DLEU7: variants seen among roughly 807,000 people sequenced by gnomAD.
DLEU7 encodes leukemia-associated protein 7.
A neutral mutation model predicts 16.0 loss-of-function variants in DLEU7; 17 were observed. The ratio of observed to expected loss-of-function variants is 1.06; its 90% CI spans 0.73 to 1.59. DLEU7 has a LOEUF of 1.59. Ranked by LOEUF, DLEU7 falls within the 40% of genes most tolerant of loss-of-function variation. The pLI, the probability that DLEU7 is intolerant of heterozygous loss-of-function variation, is 0.00. For synonymous variants in DLEU7, 113 were observed against 139.8 expected (o/e 0.81, Z 1.35); for missense variants, 308 against 314.9 (o/e 0.98, Z 0.17).
chr13:50,838,590 G>A (rs1877546461), intron 1 of DLEU7, among the ~76,000 whole-genome samples: 1 of 152,314 alleles, frequency 6.6e-6, no homozygotes, highest in East Asian at 1.9e-4. Context: ...TTACTAGTTT[G>A]ATAGTGATGT....
intron 1 of DLEU7, among the ~76,000 whole-genome samples, chr13:50,786,139 A>T (rs1054114812): frequency 6.6e-6 from 1 of 152,158 alleles, no homozygotes; most frequent in Non-Finnish European, 1.5e-5. Context: ...TGATGGGTTC[A>T]AGGTTCTAGA....
rs559024225 is a variant in DLEU7 at position 50,827,439 on chromosome 13, G to A, written c.460-3919C>T. Among the ~76,000 whole-genome samples, 14 of 152,260 alleles carry A rather than the reference G, an allele frequency of 9.2e-5. No homozygotes were observed. The South Asian group carries it at 2.7e-3, about 29-fold the overall frequency. ...CATGCCTGTAATCCCAACACTTTGG[G>A]AGGCTAAGGCAAGCAGATTGCTTGA... On this transcript the variant is annotated intron_variant, in intron 1 of 1. Transcript: ENST00000504404.
At chr13:50,711,772 C>CCGGGGGAGGGGG, downstream of DLEU7, 2 of 72,926 alleles carry the variant, frequency 2.7e-5, no homozygotes, top group African/African-American at 7.8e-5. Context: ...GACCCAGTGG[C>CCGGGGGAGGGGG]GGGGGCGGGG....
At chr13:50,832,627 A>C (rs548865731) in intron 1 of DLEU7, among the ~76,000 whole-genome samples, 51 of 152,308 alleles carry the variant, frequency 3.3e-4, no homozygotes, top group African/African-American at 1.2e-3. Flanking sequence ...TAGTGCTATA[A>C]ATTTCCCTCT....
In DLEU7 at chr13:50,723,602, A is replaced by T. The variant is rs116589788; in HGVS notation, c.460-10362T>A. ...GAGCGTCTTTGGTTTGTTGACAGTC[A>T]CCTTCTTGCTGTGTCCTCATGTGAG... On this transcript the variant is annotated intron_variant, in intron 1 of 1. Coordinates refer to the DLEU7 transcript ENST00000400393. 3.5e-3 allele frequency among the ~76,000 whole-genome samples: 531 copies of T among 152,072 alleles called. 7 individuals are homozygous for T. Among genetic ancestry groups the T allele is most frequent in the African/African-American group, 0.012 (505 of 41,482 alleles).
intron 1 of DLEU7, among the ~76,000 whole-genome samples, chr13:50,829,326 T>C (rs1212052798): frequency 6.6e-6 from 1 of 152,192 alleles, no homozygotes; most frequent in African/African-American, 2.4e-5. Flanking sequence ...GTCCGATTGC[T>C]TTATAGAAGT....
Position 50,803,982 on chromosome 13 carries a change from C to T in DLEU7, c.459+39206G>A, listed in dbSNP as rs148477838. Reference sequence around the variant, plus strand: ...CCTAGTATTTTTATATTTTTATTAACGTGGAAATCTTTGATTCATCAGGAA... The same window carrying T: ...CCTAGTATTTTTATATTTTTATTAATGTGGAAATCTTTGATTCATCAGGAA... On this transcript the variant is annotated intron_variant, in intron 1 of 1. Transcript: ENST00000400393. Among the ~76,000 whole-genome samples the T allele has an allele frequency of 2.1e-3, 322 of 152,088 alleles. 2 individuals are homozygous for T. Among genetic ancestry groups the T allele is most frequent in the African/African-American group, 7.2e-3 (300 of 41,528 alleles).
At chr13:50,741,201 G>C (rs908099586) in intron 1 of DLEU7, among the ~76,000 whole-genome samples, 9 of 152,184 alleles carry the variant, frequency 5.9e-5, no homozygotes, top group African/African-American at 1.9e-4. Context: ...GAGTTAGAAA[G>C]TTATTTGGAA....
At chr13:50,803,208 G>T (rs373247178) in intron 1 of DLEU7, among the ~76,000 whole-genome samples, 3 of 152,054 alleles carry the variant, frequency 2.0e-5, no homozygotes, top group African/African-American at 7.2e-5. Flanking sequence ...AAGATTGTAC[G>T]AATTTATACT....
At position 50,803,775 on chromosome 13, in the gene DLEU7, C is replaced by G. The variant is rs192327117; in HGVS notation, c.459+39413G>C. Among the ~76,000 whole-genome samples the G allele has an allele frequency of 1.6e-4, 24 of 152,192 alleles. No homozygotes were observed. The East Asian group carries it at 4.6e-3, about 29-fold the overall frequency. On this transcript the variant is annotated intron_variant, in intron 1 of 1. Coordinates refer to the DLEU7 transcript ENST00000400393. ...AACTACTAGAAAATTTAGAATTACA[C>G]GTGTAGCTTACATTGTATTTCCATT...
At chr13:50,840,582 A>G (rs908203035) in intron 1 of DLEU7, among the ~76,000 whole-genome samples, 1 of 152,198 alleles carries the variant, frequency 6.6e-6, no homozygotes, top group Non-Finnish European at 1.5e-5. Flanking sequence ...TGGAAGCAGT[A>G]CATCTAAATG....
At chr13:50,805,861 A>G (rs1360591292) in intron 1 of DLEU7, among the ~76,000 whole-genome samples, 1 of 152,206 alleles carries the variant, frequency 6.6e-6, no homozygotes, top group Non-Finnish European at 1.5e-5. Flanking sequence ...TTATTGGAAT[A>G]TAGATATGCC....
At chr13:50,746,922 T>C (rs144632530) in intron 1 of DLEU7, among the ~76,000 whole-genome samples, 61 of 151,936 alleles carry the variant, frequency 4.0e-4, no homozygotes, top group African/African-American at 1.4e-3. Flanking sequence ...CATATTGTTA[T>C]GTAATTATTA....
chr13:50,768,330 C>A (rs1020597452), intron 1 of DLEU7, among the ~76,000 whole-genome samples: 1 of 151,798 alleles, frequency 6.6e-6, no homozygotes, highest in East Asian at 1.9e-4. Context: ...TACACGTGCA[C>A]AATGTGCAGG....
intron 1 of DLEU7, among the ~76,000 whole-genome samples, chr13:50,743,791 G>A (rs765489301): frequency 3.3e-5 from 5 of 152,134 alleles, no homozygotes; most frequent in Non-Finnish European, 4.4e-5. Flanking sequence ...AAATGTTTCC[G>A]AAGCACCTAT....
chr13:50,739,248 A>G (rs950077183), intron 1 of DLEU7, among the ~76,000 whole-genome samples: 2 of 152,116 alleles, frequency 1.3e-5, no homozygotes, highest in Admixed American at 1.3e-4. Context: ...TCTTTGGGAC[A>G]CAGAACACAA....
intron 1 of DLEU7, among the ~76,000 whole-genome samples, chr13:50,745,464 G>T (rs1306076561): frequency 6.6e-6 from 1 of 152,030 alleles, no homozygotes; most frequent in East Asian, 1.9e-4. Flanking sequence ...TTGGGAGGTG[G>T]AAAAAGTTCT....
At chr13:50,717,330 A>G (rs1873466083) in intron 1 of DLEU7, among the ~76,000 whole-genome samples, 1 of 152,234 alleles carries the variant, frequency 6.6e-6, no homozygotes. Context: ...AAAATGCCAG[A>G]AAGTTGATGA....
chr13:50,759,794 G>T (rs1377065268), intron 1 of DLEU7, among the ~76,000 whole-genome samples: 1 of 152,148 alleles, frequency 6.6e-6, no homozygotes, highest in Admixed American at 6.5e-5. Flanking sequence ...GGGGGCTTCT[G>T]TGACTTCTCT....
Sources: gnomAD v4.1 joint callset for allele counts (sites outside exome capture counted in the v4.1 genomes callset) on GRCh38, gnomAD v4.1.1 for gene constraint, MANE v1.5 for transcripts, NCBI Gene and HGNC (gene_info 2026-07-23, HGNC 2026-07-21) for gene names.